Variants in TMEM196 observed in about 807,000 individuals in gnomAD.
TMEM196 encodes the protein transmembrane protein 196.
In TMEM196, 17 loss-of-function variants were observed where a neutral mutation model predicts 20.0. The ratio of observed to expected loss-of-function variants is 0.85; its 90% CI spans 0.58 to 1.27. TMEM196 has a LOEUF of 1.27. TMEM196 is among the 50% of genes most tolerant of loss of function. The probability of loss-of-function intolerance (pLI) is 0.00; values close to 1 mark genes in which losing one functional copy is unlikely to be tolerated. For missense variants in TMEM196, 267 were observed against 223.0 expected, an observed-to-expected ratio of 1.20 and a Z score of -1.26; for synonymous variants, 113 against 88.9, an observed-to-expected ratio of 1.27 and a Z score of -1.52.
At chr7:19,724,894 G>A (rs1248155259) in intron 3 of TMEM196, among the ~76,000 whole-genome samples, 1 of 152,070 alleles carries the variant, frequency 6.6e-6, no homozygotes, top group Non-Finnish European at 1.5e-5. Context: ...TATACCATTT[G>A]TCCTTTTATA....
At chr7:19,734,654 T>C (rs1471831340) in intron 1 of TMEM196, among the ~76,000 whole-genome samples, 1 of 152,174 alleles carries the variant, frequency 6.6e-6, no homozygotes, top group African/African-American at 2.4e-5. Flanking sequence ...AGGCAAAGGA[T>C]GTAGGTGACC....
chr7:19,734,593 A>T (rs1784332655), intron 1 of TMEM196, among the ~76,000 whole-genome samples: 1 of 152,142 alleles, frequency 6.6e-6, no homozygotes. Context: ...CAGGGAGAAG[A>T]AATTTGAAGA....
intron 1 of TMEM196, among the ~76,000 whole-genome samples, chr7:19,736,400 T>TATATATAA (rs1240197780): frequency 2.9e-5 from 4 of 136,092 alleles, no homozygotes; most frequent in South Asian, 5.0e-4. Context: ...TATATATATA[T>TATATATAA]AAATTATCTC....
At chr7:19,747,276 A>C (rs945632944) in intron 1 of TMEM196, among the ~76,000 whole-genome samples, 1 of 107,856 alleles carries the variant, frequency 9.3e-6, no homozygotes, top group Non-Finnish European at 1.6e-5. Flanking sequence ...TAAATAAAAT[A>C]AAATAAAAAT....
At chr7:19,751,674 A>T (rs1037779213) in intron 1 of TMEM196, among the ~76,000 whole-genome samples, 4 of 152,214 alleles carry the variant, frequency 2.6e-5, no homozygotes, top group Non-Finnish European at 5.9e-5. Context: ...AGCTGTTAAT[A>T]ATTATTATTA....
At chr7:19,733,888 C>T (rs115434302) in intron 1 of TMEM196, among the ~76,000 whole-genome samples, 4,605 of 152,248 alleles carry the variant, frequency 0.03, 242 homozygotes, top group African/African-American at 0.11. Flanking sequence ...TAAACTGAAA[C>T]TGGTTGACAA....
At chr7:19,730,014 T>C (rs1471945422) in intron 1 of TMEM196, among the ~76,000 whole-genome samples, 2 of 152,092 alleles carry the variant, frequency 1.3e-5, no homozygotes, top group East Asian at 1.9e-4. Flanking sequence ...CCCAGTACTT[T>C]GGGAGGTCAT....
chr7:19,758,615 T>C (rs1583454722), intron 1 of TMEM196, among the ~76,000 whole-genome samples: 1 of 152,246 alleles, frequency 6.6e-6, no homozygotes, highest in African/African-American at 2.4e-5. Flanking sequence ...ATGATGAATT[T>C]AGAATAAATT....
chr7:19,751,166 G>A (rs371439751), intron 1 of TMEM196, among the ~76,000 whole-genome samples: 1 of 152,290 alleles, frequency 6.6e-6, no homozygotes, highest in South Asian at 2.1e-4. Flanking sequence ...CCTCTCCCTT[G>A]ACAAGATAGA....
chr7:19,729,259 T>G (rs2128015572), intron 2 of TMEM196, 123 bp downstream of exon 2: 69 of 616,798 alleles, frequency 1.1e-4, no homozygotes, highest in South Asian at 3.6e-4. Flanking sequence ...TTTGTCAGTT[T>G]TTTTTTTTTT....
intron 1 of TMEM196, among the ~76,000 whole-genome samples, chr7:19,731,584 G>T (rs1784204233): frequency 6.6e-6 from 1 of 152,198 alleles, no homozygotes; most frequent in East Asian, 1.9e-4. Flanking sequence ...CATTCGAAAA[G>T]AATTTGAAAG....
intron 1 of TMEM196, among the ~76,000 whole-genome samples, chr7:19,768,094 A>G (rs1402481443): frequency 6.6e-6 from 1 of 152,070 alleles, no homozygotes; most frequent in Non-Finnish European, 1.5e-5. Flanking sequence ...GAAGCAAAAC[A>G]TCAGATTTAT....
Position 19,753,438 on chromosome 7 carries a change from C to G in TMEM196, c.147+19112G>C, listed in dbSNP as rs143649386. Among the ~76,000 whole-genome samples the G allele has an allele frequency of 2.4e-4, 36 of 152,206 alleles. No individual in the cohort carries two copies. The East Asian group carries it at 6.8e-3, about 29-fold the overall frequency. On this transcript the variant is annotated intron_variant, in intron 1 of 4. Transcript: ENST00000405844. ...TCAGCACATGTTCATTCTCTTTAACCCAGGCAGAAAGTCCGACTTAATTGC... is the reference window on the plus strand; with the variant it reads ...TCAGCACATGTTCATTCTCTTTAACGCAGGCAGAAAGTCCGACTTAATTGC...
chr7:19,722,076 T>A lies in TMEM196; in HGVS notation c.*52A>T, dbSNP rs750887329. 1.5e-5 allele frequency: 24 copies of A among 1,609,462 alleles called. No homozygotes were observed. ...GTGTTCAATTCTTTAAAACATTGAT[T>A]ACACTCTTCCATTAAATATCAGCTG... is the stretch of plus-strand genomic sequence containing the variant. On this transcript the variant is annotated 3_prime_UTR_variant, in exon 5 of 5. Coordinates refer to ENST00000405844, the MANE Select transcript of TMEM196 (RefSeq NM_001363562.2).
In TMEM196 at chr7:19,772,579, GCT is replaced by G; in HGVS notation, c.116_117del (p.Glu39AlafsTer93). 5.8e-6 allele frequency: 9 copies of G among 1,545,660 alleles called. No homozygotes were observed. Among genetic ancestry groups the G allele is most frequent in the Non-Finnish European group, 7.9e-6 (9 of 1,145,254 alleles). ...GAVSFSLALREHKPQLGDSSP... is the reference protein window; with the variant it reads ...GAVSFSLALRXHKPQLGDSSP... ...GACGAGTCTCCGAGCTGCGGCTTGT[GCT>G]CTCGGAGGGCCAGGCTGAAGCTGAC... On this transcript the variant is annotated frameshift_variant, in exon 1 of 5. Coordinates refer to ENST00000405844, the MANE Select transcript of TMEM196 (RefSeq NM_001363562.2). LOFTEE classifies it high-confidence loss of function.
chr7:19,731,832 C>A (rs1353539014), intron 1 of TMEM196, among the ~76,000 whole-genome samples: 1 of 152,158 alleles, frequency 6.6e-6, no homozygotes, highest in Non-Finnish European at 1.5e-5. Context: ...GGGGAGGAAT[C>A]AATCAATATT....
intron 1 of TMEM196, among the ~76,000 whole-genome samples, chr7:19,757,337 CT>C (rs59859025): frequency 0.12 from 8,648 of 70,750 alleles, 94 homozygotes; most frequent in East Asian, 0.28. Flanking sequence ...CCACACCCAG[CT>C]TTTTTTTTTT....
rs762948664 is a variant in TMEM196 at position 19,772,739 on chromosome 7, A to G, written c.-43T>C. The G allele has an allele frequency of 1.3e-5, 19 of 1,427,870 alleles. No homozygotes were observed. The highest frequency in any genetic ancestry group is 2.6e-4 in the Middle Eastern group (1 of 3,910). The allele number at this position is 1,427,870 out of a possible 1,614,324, so 88.5% of individuals were successfully genotyped here. ...CCTTCCAGATCAGAGAGGGAAATCA[A>G]CCATCTACCTTTTTTTCTTCCACTA... On this transcript the variant is annotated 5_prime_UTR_variant, in exon 1 of 5. Coordinates refer to ENST00000405844, the MANE Select transcript of TMEM196 (RefSeq NM_001363562.2).
chr7:19,722,858 T>C (rs1402272457), intron 4 of TMEM196, among the ~76,000 whole-genome samples: 6 of 152,164 alleles, frequency 3.9e-5, no homozygotes. Flanking sequence ...TTCATATGTT[T>C]TGTTAAATAT....
Sources: gnomAD v4.1 joint callset for allele counts (sites outside exome capture counted in the v4.1 genomes callset) on GRCh38, gnomAD v4.1.1 for gene constraint, MANE v1.5 for transcripts, NCBI Gene and HGNC (gene_info 2026-07-23, HGNC 2026-07-21) for gene names.